Variants in GSN observed in about 807,000 individuals in gnomAD.
The protein encoded by GSN is actin-depolymerizing factor.
Under a neutral mutation model 85.7 loss-of-function variants are expected in GSN, and 56 were observed. That is an observed-to-expected ratio of 0.65 (90% CI 0.53 to 0.82). GSN has a LOEUF of 0.82. GSN is among the 40% of genes least tolerant of loss of function. The pLI is 0.00. For missense variants in GSN, 857 were observed against 979.8 expected (o/e 0.87, Z 1.67); for synonymous variants, 373 against 399.1 (o/e 0.93, Z 0.78).
chr9:121,245,591 G>A (rs2054683724), intron 5 of GSN, among the ~76,000 whole-genome samples: 1 of 152,076 alleles, frequency 6.6e-6, no homozygotes, highest in African/African-American at 2.4e-5. Context: ...AAACTCCTGA[G>A]CTCAAGCGAT....
intron 2 of GSN, among the ~76,000 whole-genome samples, chr9:121,209,661 T>G (rs1224934901): frequency 1.3e-5 from 2 of 152,216 alleles, no homozygotes; most frequent in Non-Finnish European, 2.9e-5. Flanking sequence ...CCTATGTGAA[T>G]TATTAAGAGA....
chr9:121,215,400 A>G (rs2132087925), intron 4 of GSN, among the ~76,000 whole-genome samples: 1 of 152,024 alleles, frequency 6.6e-6, no homozygotes, highest in African/African-American at 2.4e-5. Flanking sequence ...GATCTCTAAA[A>G]CACCTGAAAA....
At chr9:121,293,564 C>T (rs916235652) in intron 2 of GSN, among the ~76,000 whole-genome samples, 3 of 151,990 alleles carry the variant, frequency 2.0e-5, no homozygotes, top group Non-Finnish European at 4.4e-5. Flanking sequence ...GCCTGGCCAA[C>T]GTGGTAAAAC....
intron 5 of GSN, among the ~76,000 whole-genome samples, chr9:121,236,064 C>T (rs10760159): frequency 0.4 from 60,255 of 152,096 alleles, 13,952 homozygotes; most frequent in East Asian, 0.62. Context: ...CACAGGACCA[C>T]ATTCCCTCTG....
intron 5 of GSN, chr9:121,239,062 G>A: frequency 2.4e-6 from 1 of 410,250 alleles, no homozygotes; most frequent in Non-Finnish European, 4.8e-6. Flanking sequence ...GATATCGTTG[G>A]CAGGCATGGT....
At chr9:121,214,880 G>A (rs1015156267) in intron 4 of GSN, among the ~76,000 whole-genome samples, 6 of 152,140 alleles carry the variant, frequency 3.9e-5, no homozygotes, top group Non-Finnish European at 7.4e-5. Flanking sequence ...TGGTTAGGTC[G>A]GAATATAGGC....
rs1351288944 is a variant in GSN at position 121,228,414 on chromosome 9, A to G, written c.-527-2751A>G. On this transcript the variant is annotated intron_variant, in intron 4 of 24. Transcript: ENST00000373823. Reference sequence around the variant, plus strand: ...ATCTCATTGATTAACATATATATATATATATATATATTTTTTTTTTTTTTT... The same window carrying G: ...ATCTCATTGATTAACATATATATATGTATATATATATTTTTTTTTTTTTTT... Among the ~76,000 whole-genome samples, 17 of 60,764 alleles carry G rather than the reference A, an allele frequency of 2.8e-4. No individual in the cohort carries two copies. The South Asian group carries it at 7.7e-3, about 27-fold the overall frequency. The allele number at this position is 60,764 out of a possible 152,430, so 39.9% of individuals were successfully genotyped here. A position where few individuals can be genotyped will look rare whatever the true frequency, so the allele number is the denominator to read the frequency against.
intron 5 of GSN, chr9:121,238,693 G>A: frequency 2.7e-6 from 1 of 365,940 alleles, no homozygotes; most frequent in Non-Finnish European, 5.4e-6. Context: ...ATATCTTTGG[G>A]GAAGATTAGG....
chr9:121,242,779 G>A (rs1027728923), intron 5 of GSN, among the ~76,000 whole-genome samples: 1 of 152,104 alleles, frequency 6.6e-6, no homozygotes, highest in Non-Finnish European at 1.5e-5. Context: ...GCCAGTGATT[G>A]GTTTAGAAAT....
intron 4 of GSN, among the ~76,000 whole-genome samples, chr9:121,303,833 C>T (rs1372284314): frequency 1.3e-5 from 2 of 152,000 alleles, no homozygotes; most frequent in Non-Finnish European, 2.9e-5. Context: ...TTTCCTTGGT[C>T]AGGATAGAGA....
intron 1 of GSN, among the ~76,000 whole-genome samples, chr9:121,208,416 T>C (rs549112032): frequency 7.2e-5 from 11 of 152,302 alleles, no homozygotes; most frequent in African/African-American, 2.6e-4. Flanking sequence ...GACTAAAGAA[T>C]GATAGTGGCT....
chr9:121,213,598 C>T (rs1001617959), intron 4 of GSN, among the ~76,000 whole-genome samples: 6 of 152,318 alleles, frequency 3.9e-5, no homozygotes, highest in Admixed American at 2.0e-4. Context: ...CTGACTCTGC[C>T]GTCAGCTGAG....
chr9:121,331,268 G>A (rs918401677), intron 16 of GSN, 120 bp from the exon 17 acceptor site: 2 of 707,330 alleles, frequency 2.8e-6, no homozygotes, highest in Non-Finnish European at 5.2e-6. Flanking sequence ...TAGTTCATGG[G>A]CTCTGTTAGA....
At chr9:121,218,804 T>A (rs1200107522) in intron 4 of GSN, among the ~76,000 whole-genome samples, 1 of 152,190 alleles carries the variant, frequency 6.6e-6, no homozygotes, top group Non-Finnish European at 1.5e-5. Flanking sequence ...TCTTGGATAG[T>A]TTCTGTTGTA....
chr9:121,212,734 C>T (rs1361985908), intron 4 of GSN, among the ~76,000 whole-genome samples: 1 of 151,488 alleles, frequency 6.6e-6, no homozygotes, highest in African/African-American at 2.4e-5. Context: ...ACCTCCTACT[C>T]CCTGATTCAA....
At chr9:121,327,077 T>C in intron 13 of GSN, 1 of 692,776 alleles carries the variant, frequency 1.4e-6, no homozygotes, top group Non-Finnish European at 2.7e-6. Context: ...TCAACTTCTG[T>C]TAATGCAGCC....
At chr9:121,303,190 A>T in intron 4 of GSN, 125 bp downstream of exon 4, 2 of 897,590 alleles carry the variant, frequency 2.2e-6, no homozygotes, top group Non-Finnish European at 3.6e-6. Context: ...CAGGCTTTGG[A>T]GTCAACCAAC....
chr9:121,315,654 C>T (rs2061631597), intron 7 of GSN, among the ~76,000 whole-genome samples: 1 of 152,068 alleles, frequency 6.6e-6, no homozygotes, highest in Non-Finnish European at 1.5e-5. Flanking sequence ...AATCCTAGCT[C>T]TCCTCCTAAG....
In GSN at chr9:121,299,590, C is replaced by A. The variant is rs113374067; in HGVS notation, c.-9-2373C>A. On this transcript the variant is annotated intron_variant, in intron 2 of 17. Coordinates refer to ENST00000432226, the MANE Select transcript of GSN (RefSeq NM_198252.3). The surrounding 1 kb of genome is among the most constrained non-coding windows in gnomAD (Gnocchi z 4.2). Reference sequence around the variant, plus strand: ...TCAGCTGGGCTCGCCGCCGCTCGTGCCTGCGCCCATTTAGTGTGCACACAG... The same window carrying A: ...TCAGCTGGGCTCGCCGCCGCTCGTGACTGCGCCCATTTAGTGTGCACACAG... 1.2e-3 allele frequency: 705 copies of A among 577,054 alleles called. 9 individuals carry two copies. In the African/African-American group the frequency reaches 0.013, roughly 11 times the overall value. The allele number at this position is 577,054 out of a possible 1,614,324, so 35.7% of individuals were successfully genotyped here.
Sources: gnomAD v4.1 joint callset for allele counts (sites outside exome capture counted in the v4.1 genomes callset) on GRCh38, gnomAD v4.1.1 for gene constraint, Gnocchi (gnomAD v3.1) non-coding constraint, MANE v1.5 for transcripts, NCBI Gene and HGNC (gene_info 2026-07-23, HGNC 2026-07-21) for gene names.